SORCS3: variants seen among roughly 807,000 people sequenced by gnomAD.
SORCS3 encodes VPS10 domain-containing receptor SorCS3.
A neutral mutation model predicts 146.3 loss-of-function variants in SORCS3; 57 were observed. That is an observed-to-expected ratio of 0.39 (90% confidence interval 0.31 to 0.49). SORCS3 has a LOEUF of 0.49. SORCS3 is among the 20% of genes least tolerant of loss of function. SORCS3 has a pLI of 0.92. For synonymous variants in SORCS3, 653 were observed against 618.5 expected (o/e 1.06, Z -0.83); for missense variants, 1,341 against 1,575.5 (o/e 0.85, Z 2.52).
Position 104,784,217 on chromosome 10 carries a change from G to A in SORCS3, c.628-58575G>A, listed in dbSNP as rs148849896. On this transcript the variant is annotated intron_variant, in intron 1 of 26. Coordinates refer to ENST00000369701, the MANE Select transcript of SORCS3 (RefSeq NM_014978.3). ...AGTGGTTCTCACCTCGGGTGATTTTGTCCCCCAGGGGACTTTTGGCAAAGT... is the reference window on the plus strand; with the variant it reads ...AGTGGTTCTCACCTCGGGTGATTTTATCCCCCAGGGGACTTTTGGCAAAGT... 1.8e-4 allele frequency among the ~76,000 whole-genome samples: 28 copies of A among 152,290 alleles called. 1 individual carries two copies. The highest frequency in any genetic ancestry group is 6.0e-4 in the African/African-American group (25 of 41,550).
At chr10:104,743,855 C>T (rs1003020423) in intron 1 of SORCS3, among the ~76,000 whole-genome samples, 5 of 152,176 alleles carry the variant, frequency 3.3e-5, no homozygotes, top group African/African-American at 1.2e-4. Context: ...TAAAAGCATC[C>T]TTTTATTCAG....
chr10:104,831,943 C>T (rs182373667), intron 1 of SORCS3, among the ~76,000 whole-genome samples: 15 of 152,296 alleles, frequency 9.8e-5, no homozygotes, highest in Non-Finnish European at 2.1e-4. Context: ...TGTATGTGCA[C>T]ATAAAGCAGG....
chr10:104,748,572 G>T (rs1371394546), intron 1 of SORCS3, among the ~76,000 whole-genome samples: 4 of 152,182 alleles, frequency 2.6e-5, no homozygotes, highest in Non-Finnish European at 5.9e-5. Context: ...CTAGACTCCT[G>T]CTGGGTGCAG....
chr10:104,933,380 T>G (rs1217312343), intron 3 of SORCS3, among the ~76,000 whole-genome samples: 2 of 151,170 alleles, frequency 1.3e-5, no homozygotes, highest in East Asian at 3.9e-4. Context: ...GACAGTAAAA[T>G]GTACAGAAGA....
At chr10:105,035,564 T>C (rs1416391972) in intron 4 of SORCS3, among the ~76,000 whole-genome samples, 1 of 151,694 alleles carries the variant, frequency 6.6e-6, no homozygotes, top group Non-Finnish European at 1.5e-5. Context: ...GCCTCCCAGA[T>C]TCAAGTGATT....
chr10:105,173,890 G>A (rs11192353), intron 13 of SORCS3, among the ~76,000 whole-genome samples: 2 of 152,186 alleles, frequency 1.3e-5, no homozygotes, highest in Non-Finnish European at 2.9e-5. Context: ...AGATTTCAGT[G>A]TAAATGTCAC....
rs771402627 is a variant in SORCS3 at position 105,164,365 on chromosome 10, A to G, written c.1795A>G (p.Asn599Asp). 1 of 1,612,892 alleles carries G rather than the reference A, an allele frequency of 6.2e-7. No individual in the cohort carries two copies. Among genetic ancestry groups the G allele is most frequent in the East Asian group, 2.2e-5 (1 of 44,840 alleles). Reference sequence around the variant, plus strand: ...TGTGTTCATCTCCTCCGATGGGGGCAACACATGGAGACAGGTAACTGGGTG... The same window carrying G: ...TGTGTTCATCTCCTCCGATGGGGGCGACACATGGAGACAGGTAACTGGGTG... ...IGVFISSDGG[N>D]TWRQIFDEEY... is the part of the protein sequence containing the mutation. The change falls in exon 12 of 27, where the codon AAC (asparagine) becomes GAC (aspartate). Residue 599 changes from asparagine (N) to aspartate (D), a missense_variant. By Grantham distance (23) the Asn-to-Asp change is conservative. Transcript: ENST00000369701.
intron 1 of SORCS3, among the ~76,000 whole-genome samples, chr10:104,697,582 G>C (rs2016231738): frequency 6.6e-6 from 1 of 152,166 alleles, no homozygotes; most frequent in South Asian, 2.1e-4. Context: ...CCTGTGCACT[G>C]ATGCTAGGAG....
intron 1 of SORCS3, among the ~76,000 whole-genome samples, chr10:104,697,154 G>C (rs2016226208): frequency 6.6e-6 from 1 of 151,986 alleles, no homozygotes; most frequent in Admixed American, 6.6e-5. Context: ...ATAAATAGAT[G>C]AATAAATAAA....
intron 3 of SORCS3, among the ~76,000 whole-genome samples, chr10:104,942,145 G>C (rs964230549): frequency 6.6e-6 from 1 of 152,182 alleles, no homozygotes; most frequent in African/African-American, 2.4e-5. Flanking sequence ...AAAGGCCAGT[G>C]CTCTGGAAGG....
At chr10:104,824,554 G>A (rs1048946303) in intron 1 of SORCS3, among the ~76,000 whole-genome samples, 1 of 152,226 alleles carries the variant, frequency 6.6e-6, no homozygotes, top group African/African-American at 2.4e-5. Context: ...TGGTGATAGG[G>A]TATTCACTTC....
At chr10:104,872,849 T>C (rs1203794214) in intron 2 of SORCS3, among the ~76,000 whole-genome samples, 1 of 152,192 alleles carries the variant, frequency 6.6e-6, no homozygotes, top group Non-Finnish European at 1.5e-5. Flanking sequence ...AAAAGCACAA[T>C]ATGCTGAAGT....
At chr10:104,974,350 C>A (rs183735826) in intron 3 of SORCS3, among the ~76,000 whole-genome samples, 2 of 152,076 alleles carry the variant, frequency 1.3e-5, no homozygotes, top group Non-Finnish European at 2.9e-5. Context: ...GTAGGTCACT[C>A]AGGACTTGCT....
At chr10:104,775,424 G>T (rs949881180) in intron 1 of SORCS3, among the ~76,000 whole-genome samples, 5 of 152,164 alleles carry the variant, frequency 3.3e-5, no homozygotes, top group Admixed American at 2.0e-4. Flanking sequence ...TAAGTCAAGG[G>T]CTTCCTGCTT....
chr10:104,745,980 T>C (rs1198731604), intron 1 of SORCS3, among the ~76,000 whole-genome samples: 1 of 152,174 alleles, frequency 6.6e-6, no homozygotes, highest in Non-Finnish European at 1.5e-5. Context: ...CATTCAGCCA[T>C]GGGTGGACAC....
chr10:105,248,611 G>C (rs146966163), intron 22 of SORCS3, among the ~76,000 whole-genome samples: 1 of 151,906 alleles, frequency 6.6e-6, no homozygotes, highest in Non-Finnish European at 1.5e-5. Flanking sequence ...CTACTCGGGA[G>C]GCTGAGGCAG....
At chr10:104,719,543 C>G (rs774652869) in intron 1 of SORCS3, among the ~76,000 whole-genome samples, 1 of 152,172 alleles carries the variant, frequency 6.6e-6, no homozygotes, top group African/African-American at 2.4e-5. Flanking sequence ...TACTCCATAT[C>G]TCTATCTGAT....
At chr10:105,053,741 C>G (rs1444400664) in intron 5 of SORCS3, among the ~76,000 whole-genome samples, 2 of 151,858 alleles carry the variant, frequency 1.3e-5, no homozygotes, top group African/African-American at 4.8e-5. Context: ...GAATTATATT[C>G]TAATCTATGG....
chr10:104,829,236 T>C (rs2017974599), intron 1 of SORCS3, among the ~76,000 whole-genome samples: 1 of 152,226 alleles, frequency 6.6e-6, no homozygotes, highest in African/African-American at 2.4e-5. Flanking sequence ...GAGTCAGAGA[T>C]GCATGTGCAG....
Sources: allele counts gnomAD v4.1 joint callset (sites outside exome capture counted in the v4.1 genomes callset), GRCh38; gene constraint gnomAD v4.1.1; transcripts MANE v1.5; gene names NCBI Gene and HGNC (gene_info 2026-07-23, HGNC 2026-07-21).